VSTM4: variants seen among roughly 807,000 people sequenced by gnomAD.
VSTM4 encodes V-set and transmembrane domain-containing protein 4.
In VSTM4, 20 loss-of-function variants were observed where a neutral mutation model predicts 36.4. The ratio of observed to expected loss-of-function variants is 0.55; its 90% confidence interval spans 0.39 to 0.80. The LOEUF is 0.80. VSTM4 is among the 30% of genes least tolerant of loss of function. The pLI, the probability that VSTM4 is intolerant of heterozygous loss-of-function variation, is 0.00. For missense variants in VSTM4, 392 were observed against 404.5 expected (o/e 0.97, Z 0.26); for synonymous variants, 182 against 173.9 (o/e 1.05, Z -0.37).
intron 2 of VSTM4, among the ~76,000 whole-genome samples, chr10:49,088,110 A>G (rs1463869425): frequency 6.6e-6 from 1 of 151,854 alleles, no homozygotes; most frequent in African/African-American, 2.4e-5. Flanking sequence ...CTTTATTTTC[A>G]GTTTTCCTAA....
intron 1 of VSTM4, among the ~76,000 whole-genome samples, chr10:49,113,083 C>T (rs1451589505): frequency 6.6e-6 from 1 of 152,130 alleles, no homozygotes; most frequent in Non-Finnish European, 1.5e-5. Flanking sequence ...TAGCTGTGTG[C>T]CTCCCACTTC....
intron 7 of VSTM4, among the ~76,000 whole-genome samples, chr10:49,037,407 C>A (rs888839599): frequency 1.3e-5 from 2 of 152,238 alleles, no homozygotes; most frequent in African/African-American, 4.8e-5. Context: ...CCAACAAGCT[C>A]CCAGGCAGTG....
chr10:49,092,675 C>T (rs1317215428), intron 2 of VSTM4, among the ~76,000 whole-genome samples: 2 of 152,170 alleles, frequency 1.3e-5, no homozygotes, highest in Admixed American at 1.3e-4. Context: ...ACAGGCATTT[C>T]CTGCCCAAAT....
Position 49,107,795 on chromosome 10 carries a change from A to G in VSTM4, c.256T>C (p.Tyr86His). The G allele has an allele frequency of 6.2e-7, 1 of 1,614,200 alleles. No homozygotes were observed. Among genetic ancestry groups the G allele is most frequent in the Non-Finnish European group, 8.5e-7 (1 of 1,180,042 alleles). The part of the protein sequence containing the change: ...VKMTKLRVVQ[Y>H]YGNFSRSAKR... The stretch of plus-strand genomic sequence containing the variant: ...GCGCTGCGGCTGAAATTCCCATAGT[A>G]CTGCACCACCCGGAGCTTGGTCATC... Residue 86 changes from tyrosine to histidine, a missense_variant, in exon 2 of 8, where the codon TAC becomes CAC. Transcript: ENST00000332853.
At chr10:49,105,213 CAGAGAGAG>C (rs376193769) in intron 2 of VSTM4, among the ~76,000 whole-genome samples, 11 of 117,544 alleles carry the variant, frequency 9.4e-5, no homozygotes, top group South Asian at 9.2e-4. Context: ...GACAGAGAGA[CAGAGAGAG>C]AGAGAGAGAG....
intron 7 of VSTM4, among the ~76,000 whole-genome samples, chr10:49,031,177 C>T (rs1843340239): frequency 6.6e-6 from 1 of 152,216 alleles, no homozygotes; most frequent in Non-Finnish European, 1.5e-5. Context: ...CAACTGCAAT[C>T]TTTAACACTC....
intron 5 of VSTM4, 123 bp downstream of exon 5, chr10:49,064,580 T>C (rs921275635): frequency 5.2e-6 from 6 of 1,154,354 alleles, no homozygotes; most frequent in Non-Finnish European, 7.6e-6. Flanking sequence ...TTTGCAGGCA[T>C]ATTTGTGGAC....
intron 2 of VSTM4, among the ~76,000 whole-genome samples, chr10:49,094,682 C>T (rs992997349): frequency 1.8e-4 from 28 of 152,206 alleles, no homozygotes; most frequent in Admixed American, 1.3e-4. Context: ...TTCACTCTCC[C>T]TTCTTATTCA....
At chr10:49,055,267 A>G (rs979243211) in intron 5 of VSTM4, among the ~76,000 whole-genome samples, 1 of 152,098 alleles carries the variant, frequency 6.6e-6, no homozygotes, top group African/African-American at 2.4e-5. Context: ...TGATTATTTT[A>G]CTTCCAGAAA....
At chr10:49,082,908 G>C (rs1012860850) in intron 3 of VSTM4, among the ~76,000 whole-genome samples, 1 of 152,228 alleles carries the variant, frequency 6.6e-6, no homozygotes, top group African/African-American at 2.4e-5. Context: ...CCCATGCAGA[G>C]ACAGGCCAAG....
At chr10:49,078,156 A>G (rs1193405321) in intron 3 of VSTM4, among the ~76,000 whole-genome samples, 2 of 152,226 alleles carry the variant, frequency 1.3e-5, no homozygotes, top group Non-Finnish European at 2.9e-5. Flanking sequence ...AAATAGTGAC[A>G]TCCCCAAATG....
rs1303667336 is a variant in VSTM4 at position 49,014,457 on chromosome 10, T to C, written c.*5193A>G. ...CAACAGAAGGAACAGAAAACCTCCA[T>C]GGCCACCCTTCCCCACCACGCTGCG... On this transcript the variant is annotated 3_prime_UTR_variant, in exon 8 of 8. Transcript: ENST00000332853. 1 of 152,194 alleles carries C rather than the reference T, an allele frequency of 6.6e-6. No individual in the cohort carries two copies. Among genetic ancestry groups the C allele is most frequent in the African/African-American group, 2.4e-5 (1 of 41,442 alleles). 9.4% of individuals were successfully genotyped at this position (152,194 alleles called of 1,614,324 possible).
At chr10:49,067,968 T>C (rs183412270) in intron 4 of VSTM4, among the ~76,000 whole-genome samples, 2 of 152,350 alleles carry the variant, frequency 1.3e-5, no homozygotes, top group South Asian at 2.1e-4. Flanking sequence ...TAATCATCTC[T>C]AGATTACTTG....
Position 49,107,903 on chromosome 10 carries a change from G to A in VSTM4, c.148C>T (p.Gln50Ter). The change falls in exon 2 of 8, where the codon CAG becomes TAG. Residue 50 changes from glutamine (Q) to a stop codon, truncating the protein, a stop_gained. Coordinates refer to ENST00000332853, the MANE Select transcript of VSTM4 (RefSeq NM_001031746.5). LOFTEE classifies it high-confidence loss of function. Reference sequence around the variant, plus strand: ...AGCAAGCTGTCCTTCCGCCTTTTCTGGGAGACGTGGCAGAGGAGAGTGGCA... The same window carrying A: ...AGCAAGCTGTCCTTCCGCCTTTTCTAGGAGACGTGGCAGAGGAGAGTGGCA... ...ENATLLCHVS[Q>*]KRRKDSLLAV... 3 of 1,614,094 alleles carry A rather than the reference G, an allele frequency of 1.9e-6. No homozygotes were observed. Among genetic ancestry groups the A allele is most frequent in the Non-Finnish European group, 2.5e-6 (3 of 1,179,982 alleles).
intron 5 of VSTM4, among the ~76,000 whole-genome samples, chr10:49,063,622 G>C (rs1843921241): frequency 6.6e-6 from 1 of 152,120 alleles, no homozygotes; most frequent in Non-Finnish European, 1.5e-5. Context: ...GTATTATTTT[G>C]GTCTGTTTGG....
In VSTM4 at chr10:49,039,262, G is replaced by A. The variant is rs1475098467; in HGVS notation, c.837+7721C>T. On this transcript the variant is annotated intron_variant, in intron 7 of 7. Transcript: ENST00000332853. ...AGGACCTAGACCAATTGGGGTCTCA[G>A]CAGGATGAGGGTCCTGGGTGGGGTG... Among the ~76,000 whole-genome samples the A allele has an allele frequency of 3.3e-5, 5 of 152,106 alleles. No homozygotes were observed. In the East Asian group the frequency reaches 9.7e-4, roughly 29 times the overall value.
chr10:49,099,197 AAAC>A (rs1844624534), intron 2 of VSTM4, among the ~76,000 whole-genome samples: 1 of 152,214 alleles, frequency 6.6e-6, no homozygotes, highest in South Asian at 2.1e-4. Flanking sequence ...ATGTGGATGG[AAAC>A]AACACCAGCT....
At position 49,105,229 on chromosome 10, in the gene VSTM4, G is replaced by C. The variant is rs867214172; in HGVS notation, c.457+2365C>G. Among the ~76,000 whole-genome samples the C allele has an allele frequency of 4.0e-5, 6 of 148,858 alleles. No individual in the cohort carries two copies. The South Asian group carries it at 6.6e-4, about 16-fold the overall frequency. On this transcript the variant is annotated intron_variant, in intron 2 of 7. Transcript: ENST00000332853. ...ACAGAGAGACAGAGAGAGAGAGAGA[G>C]AGAGAGACAGAGAGGGAAAGAGATA... is the stretch of plus-strand genomic sequence containing the variant.
In VSTM4 at chr10:49,037,561, G is replaced by T. The variant is rs1480376110; in HGVS notation, c.837+9422C>A. ...TAGTGACTCCAGGTTCCCTGCTGAG[G>T]ATATCATTAGGGGTAAGACCAGTTC... On this transcript the variant is annotated intron_variant, in intron 7 of 7. Coordinates refer to ENST00000332853, the MANE Select transcript of VSTM4 (RefSeq NM_001031746.5). Among the ~76,000 whole-genome samples, 3 of 152,186 alleles carry T rather than the reference G, an allele frequency of 2.0e-5. No homozygotes were observed. In the South Asian group the frequency reaches 6.2e-4, roughly 32 times the overall value.
Sources: allele counts gnomAD v4.1 joint callset (sites outside exome capture counted in the v4.1 genomes callset), GRCh38; gene constraint gnomAD v4.1.1; transcripts MANE v1.5; gene names NCBI Gene and HGNC (gene_info 2026-07-23, HGNC 2026-07-21).